Variants in GTF2I observed in about 807,000 individuals in gnomAD.
GTF2I encodes the protein general transcription factor II-I.
Under a neutral mutation model 67.6 loss-of-function variants are expected in GTF2I, and 12 were observed. The ratio of observed to expected loss-of-function variants is 0.18; its 90% CI spans 0.11 to 0.29. The LOEUF is 0.29. Among genes scored for constraint, GTF2I ranks in the 10% least tolerant of loss-of-function variants. The probability of loss-of-function intolerance (pLI) is 1.00; values close to 1 mark genes in which losing one functional copy is unlikely to be tolerated. For missense variants in GTF2I, 271 were observed against 580.1 expected (o/e 0.47, Z 5.47); for synonymous variants, 149 against 197.0 (o/e 0.76, Z 2.04).
At chr7:74,703,991 A>G (rs1790212426) in intron 6 of GTF2I, among the ~76,000 whole-genome samples, 1 of 152,176 alleles carries the variant, frequency 6.6e-6, no homozygotes, top group Non-Finnish European at 1.5e-5. Context: ...GTAGGAGATC[A>G]TGTTGTGTGA....
intron 1 of GTF2I, 70 bp from the exon 2 acceptor site, chr7:74,689,054 C>T (rs1252275399): frequency 2.3e-6 from 2 of 877,412 alleles, no homozygotes; most frequent in Non-Finnish European, 3.8e-6. Flanking sequence ...GAGGGGCCCT[C>T]ACAGCTTTGG....
intron 1 of GTF2I, among the ~76,000 whole-genome samples, chr7:74,676,857 A>C (rs587696970): frequency 6.6e-6 from 1 of 152,240 alleles, no homozygotes; most frequent in East Asian, 1.9e-4. Context: ...GGAGTTCAAG[A>C]CCAGCCTGGC....
intron 8 of GTF2I, among the ~76,000 whole-genome samples, chr7:74,710,357 G>A (rs1410112003): frequency 1.3e-5 from 2 of 151,884 alleles, no homozygotes; most frequent in South Asian, 2.1e-4. Flanking sequence ...AGGGAGTCTC[G>A]CCGTGTCACC....
chr7:74,685,452 G>A lies in GTF2I; in HGVS notation c.-5-3672G>A. On this transcript the variant is annotated intron_variant, in intron 1 of 34. Transcript: ENST00000573035. ...GCAGAGGTTGCAGTGAGCTGAGATAGCGCCATTGCACTTCAGCCTGGGCAA... is the reference window on the plus strand; with the variant it reads ...GCAGAGGTTGCAGTGAGCTGAGATAACGCCATTGCACTTCAGCCTGGGCAA... Among the ~76,000 whole-genome samples the A allele has an allele frequency of 1.3e-5, 2 of 152,104 alleles. 1 individual carries two copies.
chr7:74,696,511 G>A (rs1311147940), intron 3 of GTF2I, among the ~76,000 whole-genome samples: 5 of 134,820 alleles, frequency 3.7e-5, no homozygotes, highest in South Asian at 4.6e-4. Flanking sequence ...TTTTTTTTTC[G>A]AGACGGAGTC....
intron 3 of GTF2I, among the ~76,000 whole-genome samples, chr7:74,698,624 C>A (rs1353772342): frequency 6.6e-6 from 1 of 151,914 alleles, no homozygotes; most frequent in Non-Finnish European, 1.5e-5. Flanking sequence ...GTTGCCAAAG[C>A]TGGTCTTGAA....
At chr7:74,677,103 A>G (rs1554392648) in intron 1 of GTF2I, among the ~76,000 whole-genome samples, 1 of 152,092 alleles carries the variant, frequency 6.6e-6, no homozygotes, top group Non-Finnish European at 1.5e-5. Flanking sequence ...AAACCCCAAC[A>G]GTTTCAGAGA....
chr7:74,668,173 C>CTTTTT (rs781864782), intron 1 of GTF2I, among the ~76,000 whole-genome samples: 6 of 92,960 alleles, frequency 6.5e-5, no homozygotes, highest in Admixed American at 1.4e-4. Flanking sequence ...TGGTGCAGAA[C>CTTTTT]TTTTTTTTTT....
chr7:74,725,456 G>A (rs1256789108), intron 12 of GTF2I, among the ~76,000 whole-genome samples: 1 of 152,076 alleles, frequency 6.6e-6, no homozygotes, highest in Non-Finnish European at 1.5e-5. Context: ...GGAGGCCAAG[G>A]CAGGAGGATC....
chr7:74,692,634 ACC>A (rs1396114290), intron 3 of GTF2I, among the ~76,000 whole-genome samples: 1 of 152,302 alleles, frequency 6.6e-6, no homozygotes, highest in East Asian at 1.9e-4. Flanking sequence ...TCTGTGTTTA[ACC>A]TAACACTGTA....
chr7:74,689,706 G>GTCATTCAT (rs587757891), intron 2 of GTF2I, among the ~76,000 whole-genome samples: 1 of 150,930 alleles, frequency 6.6e-6, no homozygotes, highest in African/African-American at 2.4e-5. Flanking sequence ...TCACATCACA[G>GTCATTCAT]TCATTCATTC....
chr7:74,705,553 CTT>C (rs11439887), intron 7 of GTF2I, among the ~76,000 whole-genome samples: 247 of 141,282 alleles, frequency 1.7e-3, no homozygotes, highest in Middle Eastern at 3.6e-3. Flanking sequence ...GTTGGTAACT[CTT>C]TTTTTTTTTT....
rs587750321 is a variant in GTF2I, at chr7:74,658,908, T to A, written c.-6+840T>A. Among the ~76,000 whole-genome samples the A allele has an allele frequency of 7.2e-5, 11 of 152,280 alleles. No individual in the cohort carries two copies. The East Asian group carries it at 1.4e-3, about 19-fold the overall frequency. On this transcript the variant is annotated intron_variant, in intron 1 of 34. Coordinates refer to ENST00000573035, the MANE Select transcript of GTF2I (RefSeq NM_032999.4). ...ATGGAAAAAGCTGTCTCCTTCCCGC[T>A]CCCCGACTTCTCCACTTTTTCTTAA...
chr7:74,725,591 G>A (rs1199562930), intron 12 of GTF2I, among the ~76,000 whole-genome samples: 1 of 151,998 alleles, frequency 6.6e-6, no homozygotes, highest in Non-Finnish European at 1.5e-5. Context: ...CTATTTGGGA[G>A]GCTGAGGTGG....
chr7:74,689,470 T>C (rs1380814407), intron 2 of GTF2I, among the ~76,000 whole-genome samples: 1 of 150,358 alleles, frequency 6.7e-6, no homozygotes, highest in Non-Finnish European at 1.5e-5. Flanking sequence ...TTCTCCTGCC[T>C]TAGCCTTCCG....
At chr7:74,718,780 A>G (rs1792574686) in intron 11 of GTF2I, 99 bp from the exon 12 acceptor site, 5 of 606,124 alleles carry the variant, frequency 8.2e-6, no homozygotes, top group Non-Finnish European at 1.1e-5. Context: ...GTGGATTTTT[A>G]TAGTAGGCTG....
chr7:74,732,703 T>C, intron 15 of GTF2I, 41 bp downstream of exon 15: 8 of 1,533,128 alleles, frequency 5.2e-6, no homozygotes, highest in Non-Finnish European at 7.0e-6. Context: ...GTCTCTTTTC[T>C]GAGTAATACG....
Position 74,674,154 on chromosome 7 carries a change from C to T in GTF2I, c.-5-14970C>T, listed in dbSNP as rs587598729. On this transcript the variant is annotated intron_variant, in intron 1 of 34. Transcript: ENST00000573035. ...GTGTGGTCATAGGTCACTGCAGCGT[C>T]GAACTCCTAGGCTCAAGTGATCCTC... Among the ~76,000 whole-genome samples the T allele has an allele frequency of 1.9e-3, 282 of 149,002 alleles. 2 individuals are homozygous for T. The highest frequency in any genetic ancestry group is 6.6e-3 in the African/African-American group (268 of 40,380).
chr7:74,732,811 C>G (rs1794609225), intron 15 of GTF2I, 149 bp downstream of exon 15: 2 of 606,182 alleles, frequency 3.3e-6, no homozygotes, highest in Non-Finnish European at 5.6e-6. Context: ...TTTAATTTAT[C>G]TGGGTCCAGC....
Sources: allele counts gnomAD v4.1 joint callset (sites outside exome capture counted in the v4.1 genomes callset), GRCh38; gene constraint gnomAD v4.1.1; transcripts MANE v1.5; gene names NCBI Gene and HGNC (gene_info 2026-07-23, HGNC 2026-07-21).